The following PIK3C2G variants were observed in gnomAD, a reference collection of about 807,000 sequenced individuals.
The protein encoded by PIK3C2G is phosphatidylinositol-4-phosphate 3-kinase catalytic subunit type 2 gamma.
In PIK3C2G, 168 loss-of-function variants were observed where a neutral mutation model predicts 181.1. The observed-to-expected ratio is 0.93, with a 90% CI of 0.82 to 1.05. PIK3C2G has a LOEUF of 1.05. Among genes scored for constraint, PIK3C2G ranks in the 50% least tolerant of loss-of-function variants. The probability of loss-of-function intolerance (pLI) is 0.00; values close to 1 mark genes in which losing one functional copy is unlikely to be tolerated. For synonymous variants in PIK3C2G, 573 were observed against 592.2 expected (o/e 0.97, Z 0.47); for missense variants, 1,869 against 1,732.8 (o/e 1.08, Z -1.40).
intron 16 of PIK3C2G, among the ~76,000 whole-genome samples, chr12:18,408,079 G>C (rs1420376632): frequency 6.6e-6 from 1 of 152,174 alleles, no homozygotes; most frequent in Non-Finnish European, 1.5e-5. Context: ...TGGTTTCTGA[G>C]TGAAGCATAG....
intron 28 of PIK3C2G, among the ~76,000 whole-genome samples, chr12:18,565,119 A>G (rs926838404): frequency 9.2e-5 from 14 of 152,168 alleles, no homozygotes; most frequent in African/African-American, 3.4e-4. Context: ...TGACACTCAC[A>G]AAGGGGCCCA....
intron 22 of PIK3C2G, among the ~76,000 whole-genome samples, chr12:18,502,340 T>C (rs1466503908): frequency 6.6e-6 from 1 of 152,192 alleles, no homozygotes; most frequent in Non-Finnish European, 1.5e-5. Flanking sequence ...CATTAAATGG[T>C]CAATTTAAAA....
At chr12:18,457,021 AT>A (rs1289821401) in intron 18 of PIK3C2G, among the ~76,000 whole-genome samples, 1 of 152,278 alleles carries the variant, frequency 6.6e-6, no homozygotes, top group Admixed American at 6.5e-5. Context: ...ATCAAAAAAA[AT>A]GGTGACTTTC....
At chr12:18,302,638 T>C (rs1309598513) in intron 5 of PIK3C2G, among the ~76,000 whole-genome samples, 1 of 152,078 alleles carries the variant, frequency 6.6e-6, no homozygotes, top group Non-Finnish European at 1.5e-5. Flanking sequence ...CATGCTTGGG[T>C]CCTGGTGGGT....
At chr12:18,665,014 G>A in the PIK3C2G span, among the ~76,000 whole-genome samples, 6 of 108,636 alleles carry the variant, frequency 5.5e-5, no homozygotes, top group East Asian at 3.5e-4. Context: ...TTGTGGGGTG[G>A]GGGGAGGGGG....
upstream of PIK3C2G, among the ~76,000 whole-genome samples, chr12:18,257,770 A>T (rs1038063331): frequency 5.3e-5 from 8 of 151,490 alleles, no homozygotes; most frequent in African/African-American, 1.9e-4. Flanking sequence ...GAAAAAAAGA[A>T]GAAGAAAAAG....
intron 31 of PIK3C2G, among the ~76,000 whole-genome samples, chr12:18,616,099 C>T (rs1948598670): frequency 1.3e-5 from 2 of 151,976 alleles, no homozygotes; most frequent in African/African-American, 4.8e-5. Flanking sequence ...TCAAATTGCT[C>T]ATCCTCCCTG....
intron 12 of PIK3C2G, among the ~76,000 whole-genome samples, chr12:18,365,501 CA>C (rs1191928787): frequency 1.3e-5 from 2 of 152,180 alleles, no homozygotes; most frequent in African/African-American, 4.8e-5. Context: ...TCTCAATCCT[CA>C]TCTTACATGA....
At chr12:18,602,553 C>T (rs752089650) in intron 30 of PIK3C2G, among the ~76,000 whole-genome samples, 1 of 152,018 alleles carries the variant, frequency 6.6e-6, no homozygotes, top group Non-Finnish European at 1.5e-5. Flanking sequence ...GAAAGCTCCA[C>T]CTCCTGACAG....
chr12:18,269,320 C>A (rs1395598624), intron 1 of PIK3C2G, among the ~76,000 whole-genome samples: 1 of 151,996 alleles, frequency 6.6e-6, no homozygotes, highest in Non-Finnish European at 1.5e-5. Flanking sequence ...ATAATTAATT[C>A]ACCTATAATT....
intron 18 of PIK3C2G, among the ~76,000 whole-genome samples, chr12:18,478,784 G>A (rs986654706): frequency 2.0e-5 from 3 of 152,026 alleles, no homozygotes; most frequent in East Asian, 3.9e-4. Context: ...AGACCAGCCT[G>A]GGCAACACAA....
chr12:18,681,253 A>G, the PIK3C2G span, among the ~76,000 whole-genome samples: 423 of 152,168 alleles, frequency 2.8e-3, 3 homozygotes, highest in African/African-American at 9.4e-3. Flanking sequence ...AGCGTAAGTC[A>G]GGGAATATAA....
intron 5 of PIK3C2G, among the ~76,000 whole-genome samples, chr12:18,306,626 C>T (rs1178870037): frequency 6.6e-6 from 1 of 152,002 alleles, no homozygotes; most frequent in Non-Finnish European, 1.5e-5. Flanking sequence ...TGAAGGGGCA[C>T]ATACCAAATG....
intron 31 of PIK3C2G, among the ~76,000 whole-genome samples, chr12:18,615,861 AAC>A (rs1275621002): frequency 6.6e-6 from 1 of 152,068 alleles, no homozygotes; most frequent in Non-Finnish European, 1.5e-5. Flanking sequence ...AAAAAATTTT[AAC>A]AGAGTCTCTG....
At chr12:18,259,494 C>T (rs3813900), upstream of PIK3C2G, among the ~76,000 whole-genome samples, 67,956 of 151,776 alleles carry the variant, frequency 0.45, 15,585 homozygotes, top group East Asian at 0.74. Context: ...ACTCATCTTG[C>T]AGTGTGTGTT....
intron 11 of PIK3C2G, among the ~76,000 whole-genome samples, chr12:18,351,066 ATAG>A (rs1444161746): frequency 6.6e-6 from 1 of 152,154 alleles, no homozygotes; most frequent in Non-Finnish European, 1.5e-5. Context: ...CAAATATTAA[ATAG>A]TAGGCAAATT....
Position 18,583,784 on chromosome 12 carries a change from T to A in PIK3C2G, c.4012-10710T>A, listed in dbSNP as rs188380506. 5.8e-3 allele frequency among the ~76,000 whole-genome samples: 857 copies of A among 148,656 alleles called. 3 individuals are homozygous for A. The highest frequency in any genetic ancestry group is 0.01 in the Middle Eastern group (3 of 288). On this transcript the variant is annotated intron_variant, in intron 29 of 32. Coordinates refer to ENST00000538779, the MANE Select transcript of PIK3C2G (RefSeq NM_001288772.2). ...CATTCAAAGATAAGAAAAAAAAAAA[T>A]GCAGGAGCTCCAGCAACTCAAATGG... is the stretch of plus-strand genomic sequence containing the variant.
chr12:18,479,040 TTATACATATATACG>T (rs1939295677), intron 18 of PIK3C2G, among the ~76,000 whole-genome samples: 1 of 148,770 alleles, frequency 6.7e-6, no homozygotes, highest in Non-Finnish European at 1.5e-5. Flanking sequence ...CATATATACA[TTATACATATATACG>T]TATACATATA....
chr12:18,671,830 A>G, the PIK3C2G span, among the ~76,000 whole-genome samples: 7 of 152,176 alleles, frequency 4.6e-5, no homozygotes, highest in Non-Finnish European at 1.0e-4. Context: ...GATTTCTCAC[A>G]GTTTTGGAGT....
Sources: gnomAD v4.1 joint callset for allele counts (sites outside exome capture counted in the v4.1 genomes callset) on GRCh38, gnomAD v4.1.1 for gene constraint, MANE v1.5 for transcripts, NCBI Gene and HGNC (gene_info 2026-07-23, HGNC 2026-07-21) for gene names.